TMBIM6: variants seen among roughly 807,000 people sequenced by gnomAD.
TMBIM6 encodes the protein bax inhibitor 1.
A neutral mutation model predicts 31.4 loss-of-function variants in TMBIM6; 13 were observed. The ratio of observed to expected loss-of-function variants is 0.41; its 90% CI spans 0.27 to 0.66. TMBIM6 has a LOEUF of 0.66. TMBIM6 is among the 30% of genes least tolerant of loss of function. The pLI is 0.28. For missense variants in TMBIM6, 275 were observed against 289.5 expected, an observed-to-expected ratio of 0.95 and a Z score of 0.36; for synonymous variants, 85 against 101.7, an observed-to-expected ratio of 0.84 and a Z score of 0.99.
At position 49,742,167 on chromosome 12, in the gene TMBIM6, C is replaced by T. The variant is rs746676779; in HGVS notation, c.-31+556C>T. The T allele has an allele frequency of 1.6e-5, 26 of 1,613,104 alleles. No homozygotes were observed. In the Admixed American group the frequency reaches 2.5e-4, roughly 16 times the overall value. On this transcript the variant is annotated intron_variant, in intron 1 of 9. Coordinates refer to ENST00000267115, the MANE Select transcript of TMBIM6 (RefSeq NM_003217.3). ...ACACTCCTCTGTGACACGCGAGGCT[C>T]CTCAGTTACTTAGCCAACGGCAGAG...
chr12:49,742,148 C>T (rs753144599), intron 1 of TMBIM6: 9 of 1,612,114 alleles, frequency 5.6e-6, no homozygotes, highest in African/African-American at 2.7e-5. Flanking sequence ...TGTCACACTC[C>T]TCTGTGACAC....
intron 1 of TMBIM6, among the ~76,000 whole-genome samples, chr12:49,749,441 G>GTTTTGTTTTTT (rs1555228476): frequency 4.5e-4 from 66 of 146,118 alleles, no homozygotes; most frequent in African/African-American, 1.7e-3. Context: ...AGTCATTTTT[G>GTTTTGTTTTTT]TTTTTTTTTG....
At position 49,755,632 on chromosome 12, in the gene TMBIM6, C is replaced by T. The variant is rs1438735445; in HGVS notation, c.166-3C>T. On this transcript the variant is annotated splice_polypyrimidine_tract_variant and splice_region_variant and intron_variant, in intron 3 of 9. Coordinates refer to ENST00000267115, the MANE Select transcript of TMBIM6 (RefSeq NM_003217.3). ...AATGATTGATTGATTCTGACTCTAA[C>T]AGGCTGGCCTGCTGTCTGCCTTGGG... is the stretch of plus-strand genomic sequence containing the variant. 1 of 1,612,884 alleles carries T rather than the reference C, an allele frequency of 6.2e-7. No homozygotes were observed. The highest frequency in any genetic ancestry group is 1.7e-5 in the Admixed American group (1 of 59,598).
chr12:49,752,420 G>T, intron 1 of TMBIM6, 44 bp from the exon 2 acceptor site: 6 of 1,293,572 alleles, frequency 4.6e-6, no homozygotes, highest in East Asian at 2.5e-5. Context: ...CTGTTCGTGT[G>T]ATTCTGTATG....
At chr12:49,760,533 C>CT (rs35862867) in intron 8 of TMBIM6, among the ~76,000 whole-genome samples, 68,186 of 93,794 alleles carry the variant, frequency 0.73, 25,671 homozygotes, top group Non-Finnish European at 0.84. Flanking sequence ...TGCCCAGCCA[C>CT]TTTTTTTTTT....
intron 1 of TMBIM6, among the ~76,000 whole-genome samples, chr12:49,744,830 A>G (rs1013075600): frequency 3.9e-5 from 6 of 152,150 alleles, no homozygotes; most frequent in African/African-American, 1.4e-4. Flanking sequence ...GTTATTAGGG[A>G]GGGATTACTG....
intron 8 of TMBIM6, 49 bp from the exon 9 acceptor site, chr12:49,761,655 G>C: frequency 6.3e-7 from 1 of 1,579,806 alleles, no homozygotes; most frequent in Non-Finnish European, 8.7e-7. Flanking sequence ...GTGGGCTTGT[G>C]GATAAAAAAG....
chr12:49,747,509 G>A (rs565680650), intron 1 of TMBIM6, among the ~76,000 whole-genome samples: 20 of 151,982 alleles, frequency 1.3e-4, no homozygotes, highest in Non-Finnish European at 2.4e-4. Context: ...AGGTTTTGCT[G>A]TGTTGCCCAG....
At chr12:49,758,339 C>CGT in intron 5 of TMBIM6, 44 bp from the exon 6 acceptor site, 10 of 1,612,560 alleles carry the variant, frequency 6.2e-6, no homozygotes, top group Non-Finnish European at 8.5e-6. Flanking sequence ...AAATGTAGAC[C>CGT]GTATACCTGT....
At chr12:49,744,675 T>C (rs1470337890) in intron 1 of TMBIM6, 3 of 152,166 alleles carry the variant, frequency 2.0e-5, no homozygotes, top group Non-Finnish European at 2.9e-5. Context: ...CTGAACCAGA[T>C]GCAAGCTCTG....
At chr12:49,754,555 G>A (rs1374141365) in intron 3 of TMBIM6, among the ~76,000 whole-genome samples, 1 of 152,156 alleles carries the variant, frequency 6.6e-6, no homozygotes, top group Non-Finnish European at 1.5e-5. Context: ...AGGCTTGCAG[G>A]AACCTACCTA....
At chr12:49,752,884 C>T in intron 2 of TMBIM6, 89 bp from the exon 3 acceptor site, 1 of 1,217,436 alleles carries the variant, frequency 8.2e-7, no homozygotes. Context: ...TTACATATTC[C>T]CAGGAAGGGA....
chr12:49,759,211 C>T lies in TMBIM6; in HGVS notation c.514-10C>T, dbSNP rs747239828. On this transcript the variant is annotated splice_polypyrimidine_tract_variant and intron_variant, in intron 7 of 9. Coordinates refer to ENST00000267115, the MANE Select transcript of TMBIM6 (RefSeq NM_003217.3). ...TGCTGTATAGTAACTTCATCTCTTACATTTGTTAGGCAAACCTGTATGTGG... is the reference window on the plus strand; with the variant it reads ...TGCTGTATAGTAACTTCATCTCTTATATTTGTTAGGCAAACCTGTATGTGG... 5.1e-5 allele frequency: 83 copies of T among 1,611,994 alleles called. No individual in the cohort carries two copies. The highest frequency in any genetic ancestry group is 6.8e-5 in the Non-Finnish European group (80 of 1,178,286).
chr12:49,764,837 T>C lies in TMBIM6; in HGVS notation c.*1941T>C, dbSNP rs1040900392. On this transcript the variant is annotated 3_prime_UTR_variant, in exon 10 of 10. Coordinates refer to ENST00000267115, the MANE Select transcript of TMBIM6 (RefSeq NM_003217.3). ...TTGATTTTCAGCTCAGGCTGCATTC[T>C]AACTCATACTGTGAAGACAAAGGTG... 8 of 152,244 alleles carry C rather than the reference T, an allele frequency of 5.3e-5. No homozygotes were observed. 9.4% of individuals were successfully genotyped at this position (152,244 alleles called of 1,614,324 possible).
intron 1 of TMBIM6, among the ~76,000 whole-genome samples, chr12:49,745,087 C>G (rs907396020): frequency 6.6e-6 from 1 of 152,136 alleles, no homozygotes; most frequent in African/African-American, 2.4e-5. Context: ...GCGGGGACAT[C>G]TAGGGTGTCC....
chr12:49,756,434 T>C (rs1281038948), intron 4 of TMBIM6, among the ~76,000 whole-genome samples: 2 of 139,282 alleles, frequency 1.4e-5, no homozygotes, highest in African/African-American at 2.7e-5. Context: ...GTACCCTGCC[T>C]CCTGGCTTTT....
chr12:49,746,008 G>C (rs1272722715), intron 1 of TMBIM6, among the ~76,000 whole-genome samples: 1 of 151,828 alleles, frequency 6.6e-6, no homozygotes, highest in African/African-American at 2.4e-5. Context: ...TGTAAATCGA[G>C]CATCTATACT....
At chr12:49,762,563 C>A (rs1393464928) in intron 9 of TMBIM6, among the ~76,000 whole-genome samples, 1 of 152,138 alleles carries the variant, frequency 6.6e-6, no homozygotes, top group Non-Finnish European at 1.5e-5. Flanking sequence ...CCATCTGCAG[C>A]CTTCACTGTT....
chr12:49,752,687 C>A, intron 2 of TMBIM6, 138 bp downstream of exon 2: 1 of 770,062 alleles, frequency 1.3e-6, no homozygotes, highest in Non-Finnish European at 2.1e-6. Context: ...ATGAAAATGT[C>A]CAAATTCTAC....
Sources: allele counts gnomAD v4.1 joint callset (sites outside exome capture counted in the v4.1 genomes callset), GRCh38; gene constraint gnomAD v4.1.1; transcripts MANE v1.5; gene names NCBI Gene and HGNC (gene_info 2026-07-23, HGNC 2026-07-21).